The following RPAP3 variants were observed in gnomAD, a reference collection of about 807,000 sequenced individuals.
RPAP3 encodes the protein RNA polymerase II-associated protein 3.
In RPAP3, 58 loss-of-function variants were observed where a neutral mutation model predicts 88.8. The observed-to-expected ratio is 0.65, with a 90% CI of 0.53 to 0.81. The LOEUF (loss-of-function observed/expected upper bound fraction) is 0.81, where lower values mean the gene tolerates loss of function less well. Ranked by LOEUF, RPAP3 falls within the 40% of genes least tolerant of loss-of-function variation. The pLI, the probability that RPAP3 is intolerant of heterozygous loss-of-function variation, is 0.00. For missense variants in RPAP3, 751 were observed against 764.3 expected (o/e 0.98, Z 0.20); for synonymous variants, 255 against 259.9 (o/e 0.98, Z 0.18).
In RPAP3 at chr12:47,667,759, G is replaced by A; in HGVS notation, c.1806C>T (p.Tyr602=). The A allele has an allele frequency of 6.3e-7, 1 of 1,587,898 alleles. No homozygotes were observed. ...NQIVKILHDF[Y]IEKEKPLLIF... is the part of the protein sequence containing the mutation. The stretch of plus-strand genomic sequence containing the variant: ...CTAAAAAAAACTTGACTTACTCAAT[G>A]TAAAAGTCATGCAGAATTTTAACGA... Residue 602 remains tyrosine, a synonymous_variant, in exon 15 of 17, where the codon TAC becomes TAT. Coordinates refer to ENST00000005386, the MANE Select transcript of RPAP3 (RefSeq NM_024604.3).
chr12:47,667,541 T>C (rs1276919534), intron 15 of RPAP3, among the ~76,000 whole-genome samples: 3 of 152,140 alleles, frequency 2.0e-5, no homozygotes, highest in Non-Finnish European at 4.4e-5. Flanking sequence ...TACAGTAAAT[T>C]CTCACTTAAC....
chr12:47,677,967 C>T (rs1310775906), intron 12 of RPAP3, among the ~76,000 whole-genome samples: 1 of 152,142 alleles, frequency 6.6e-6, no homozygotes, highest in African/African-American at 2.4e-5. Context: ...AAGAACAAAG[C>T]TGGAGGCATC....
rs764500345 is a variant in RPAP3 at position 47,667,851 on chromosome 12, G to A, written c.1714C>T (p.Gln572Ter). The A allele has an allele frequency of 6.4e-7, 1 of 1,573,284 alleles. No homozygotes were observed. Among genetic ancestry groups the A allele is most frequent in the Non-Finnish European group, 8.7e-7 (1 of 1,152,018 alleles). Residue 572 changes from glutamine to a stop codon, truncating the protein, a stop_gained and splice_region_variant, in exon 15 of 17, where the codon CAA (glutamine) becomes TAA (stop). Transcript: ENST00000005386. LOFTEE classifies it high-confidence loss of function. ...TTAGGATACAAAGATGGTTCAATTT[G>A]CTTGAAAAAAAAATAAAAAGACAAT... is the stretch of plus-strand genomic sequence containing the variant. The part of the protein sequence containing the change: ...SPDMLYQYLK[Q>*]IEPSLYPKLF...
chr12:47,697,276 G>A (rs1939551191), intron 4 of RPAP3, among the ~76,000 whole-genome samples: 1 of 152,104 alleles, frequency 6.6e-6, no homozygotes, highest in South Asian at 2.1e-4. Context: ...ACAACTCCAG[G>A]TACAGTCCAA....
rs1489678205 is a variant in RPAP3, at chr12:47,661,686, T to A, written c.*1819A>T. 1.3e-5 allele frequency: 2 copies of A among 152,192 alleles called. No individual in the cohort carries two copies. The highest frequency in any genetic ancestry group is 4.8e-5 in the African/African-American group (2 of 41,446). The allele number at this position is 152,192 out of a possible 1,614,324, so 9.4% of individuals were successfully genotyped here. A position where few individuals can be genotyped will look rare whatever the true frequency, so the allele number is the denominator to read the frequency against. On this transcript the variant is annotated 3_prime_UTR_variant, in exon 17 of 17. Transcript: ENST00000005386. ...CTTCAGTTAACAGTCTCTACACAGG[T>A]AACACAACATAAAAACTGCAGCTGG...
chr12:47,690,320 T>C (rs1565720513), intron 6 of RPAP3, among the ~76,000 whole-genome samples, 198 bp downstream of exon 6: 1 of 152,188 alleles, frequency 6.6e-6, no homozygotes, highest in Non-Finnish European at 1.5e-5. Flanking sequence ...ACATGAGAAT[T>C]TGAACCAAAT....
At chr12:47,703,764 GCAGGC>G (rs1315352884) in intron 1 of RPAP3, among the ~76,000 whole-genome samples, 1 of 152,164 alleles carries the variant, frequency 6.6e-6, no homozygotes, top group Admixed American at 6.5e-5. Flanking sequence ...ACTTGAAATG[GCAGGC>G]CATGAGGTCT....
chr12:47,702,590 A>T, intron 2 of RPAP3, 98 bp downstream of exon 2: 1 of 954,768 alleles, frequency 1.0e-6, no homozygotes. Context: ...GAAGCAAGTC[A>T]CTTCAATTTC....
intron 9 of RPAP3, among the ~76,000 whole-genome samples, chr12:47,685,692 G>A (rs1303221830): frequency 6.6e-6 from 1 of 152,238 alleles, no homozygotes; most frequent in Non-Finnish European, 1.5e-5. Flanking sequence ...TGGAAGATGT[G>A]TCGAGGATCA....
chr12:47,679,623 T>A, intron 11 of RPAP3, 29 bp from the exon 12 acceptor site: 9 of 1,532,212 alleles, frequency 5.9e-6, no homozygotes, highest in Non-Finnish European at 8.0e-6. Flanking sequence ...ACCCTAACTT[T>A]CAAAATATTT....
chr12:47,696,392 G>A lies in RPAP3; in HGVS notation c.429C>T (p.Tyr143=), dbSNP rs1289045445. Residue 143 remains tyrosine (Y), a synonymous_variant, in exon 5 of 17, where the codon TAC becomes TAT. Transcript: ENST00000005386. ...CTTCATCATATTTTCCTTGTTTGAA[G>A]TATTTATTGCCCTGAAAGAAAATTA... ...ALVLKEKGNK[Y]FKQGKYDEAI... The A allele has an allele frequency of 6.3e-7, 1 of 1,577,022 alleles. No homozygotes were observed. Among genetic ancestry groups the A allele is most frequent in the African/African-American group, 1.4e-5 (1 of 73,390 alleles).
chr12:47,702,852 G>A lies in RPAP3; in HGVS notation c.-6-6C>T. ...TTTGCTGAAGTCATTATGGTCTGCA[G>A]AGTTTTGAACAACCAACCTCTGATA... On this transcript the variant is annotated splice_region_variant and splice_polypyrimidine_tract_variant and intron_variant, in intron 1 of 16. Transcript: ENST00000005386. The A allele has an allele frequency of 6.2e-7, 1 of 1,608,140 alleles. No homozygotes were observed. The highest frequency in any genetic ancestry group is 8.5e-7 in the Non-Finnish European group (1 of 1,177,930).
At chr12:47,691,696 A>G (rs1050975743) in intron 5 of RPAP3, among the ~76,000 whole-genome samples, 3 of 152,080 alleles carry the variant, frequency 2.0e-5, no homozygotes, top group African/African-American at 7.2e-5. Flanking sequence ...TCCATCAGAG[A>G]TCTTGGGTGA....
chr12:47,663,138 T>C lies in RPAP3; in HGVS notation c.*367A>G, dbSNP rs1938793345. On this transcript the variant is annotated 3_prime_UTR_variant, in exon 17 of 17. Transcript: ENST00000005386. ...TTTAACTTCCTCTTTACAAAGGTAA[T>C]TATTCATATGCTAATGAAGCAGCTT... 6.2e-6 allele frequency: 1 copy of C among 160,044 alleles called. No homozygotes were observed. 9.9% of individuals were successfully genotyped at this position (160,044 alleles called of 1,614,324 possible).
At position 47,687,871 on chromosome 12, in the gene RPAP3, A is replaced by G; in HGVS notation, c.864+5T>C. 1 of 1,612,618 alleles carries G rather than the reference A, an allele frequency of 6.2e-7. No individual in the cohort carries two copies. The highest frequency in any genetic ancestry group is 8.5e-7 in the Non-Finnish European group (1 of 1,179,264). ...ACATTGTACGTTGGAATAGCTTTGG[A>G]TTACCCGATCTTTCTCTGAAATGGC... On this transcript the variant is annotated splice_donor_5th_base_variant and intron_variant, in intron 8 of 16. Coordinates refer to ENST00000005386, the MANE Select transcript of RPAP3 (RefSeq NM_024604.3).
At chr12:47,690,279 G>A (rs1939404148) in intron 6 of RPAP3, among the ~76,000 whole-genome samples, 1 of 152,140 alleles carries the variant, frequency 6.6e-6, no homozygotes. Flanking sequence ...AAAATCAGAG[G>A]AGATATTGGT....
At chr12:47,669,689 T>C (rs1023694731) in intron 13 of RPAP3, among the ~76,000 whole-genome samples, 1 of 152,166 alleles carries the variant, frequency 6.6e-6, no homozygotes, top group Non-Finnish European at 1.5e-5. Flanking sequence ...ACACATAAAC[T>C]ATTTTTTAAA....
intron 3 of RPAP3, 101 bp from the exon 4 acceptor site, chr12:47,697,820 T>C: frequency 8.8e-7 from 1 of 1,131,492 alleles, no homozygotes; most frequent in Non-Finnish European, 1.3e-6. Context: ...ATGTAAATTG[T>C]TACAATCTAA....
Position 47,697,726 on chromosome 12 carries a change from T to C in RPAP3, c.295-7A>G. Reference sequence around the variant, plus strand: ...GCTCATCAAGGATACGGTCCTAAAATCAAAAGACGGAAAACAGGGGTCATA... The same window carrying C: ...GCTCATCAAGGATACGGTCCTAAAACCAAAAGACGGAAAACAGGGGTCATA... On this transcript the variant is annotated splice_region_variant and splice_polypyrimidine_tract_variant and intron_variant, in intron 3 of 16. Coordinates refer to ENST00000005386, the MANE Select transcript of RPAP3 (RefSeq NM_024604.3). 6.3e-7 allele frequency: 1 copy of C among 1,580,022 alleles called. No homozygotes were observed. The highest frequency in any genetic ancestry group is 8.6e-7 in the Non-Finnish European group (1 of 1,169,520).
Sources: allele counts gnomAD v4.1 joint callset (sites outside exome capture counted in the v4.1 genomes callset), GRCh38; gene constraint gnomAD v4.1.1; transcripts MANE v1.5; gene names NCBI Gene and HGNC (gene_info 2026-07-23, HGNC 2026-07-21).